Variants in QTMAN observed in about 807,000 individuals in gnomAD.
QTMAN encodes tRNA-queuosine alpha-mannosyltransferase.
the QTMAN span, among the ~76,000 whole-genome samples, chr2:144,242,862 T>TG: frequency 6.9e-6 from 1 of 145,446 alleles, no homozygotes; most frequent in South Asian, 2.1e-4. Context: ...TTTGGGAGGC[T>TG]GAGACATGAG....
chr2:144,069,103 T>C, the QTMAN span, among the ~76,000 whole-genome samples: 500 of 152,192 alleles, frequency 3.3e-3, 16 homozygotes, highest in Admixed American at 0.029. Context: ...AGTTTAAGTA[T>C]AGAAATGCTC....
At chr2:144,184,673 CA>C in the QTMAN span, among the ~76,000 whole-genome samples, 1 of 151,606 alleles carries the variant, frequency 6.6e-6, no homozygotes, top group African/African-American at 2.4e-5. Flanking sequence ...ATAAATTAAC[CA>C]AAAAAATCAT....
At chr2:144,024,496 G>A in the QTMAN span, among the ~76,000 whole-genome samples, 2 of 152,200 alleles carry the variant, frequency 1.3e-5, no homozygotes, top group African/African-American at 4.8e-5. Flanking sequence ...CATATGTGAA[G>A]TGGAAAGAGG....
chr2:144,039,744 A>G, the QTMAN span, among the ~76,000 whole-genome samples: 2 of 152,174 alleles, frequency 1.3e-5, no homozygotes, highest in Admixed American at 6.6e-5. Context: ...TACAGGGACC[A>G]GAAAGGCACA....
At chr2:144,098,060 C>A in the QTMAN span, among the ~76,000 whole-genome samples, 1 of 152,216 alleles carries the variant, frequency 6.6e-6, no homozygotes, top group Non-Finnish European at 1.5e-5. Context: ...TCTAGTAGCA[C>A]TAATGTGAGC....
chr2:143,959,957 C>T, the QTMAN span, among the ~76,000 whole-genome samples: 1 of 151,854 alleles, frequency 6.6e-6, no homozygotes, highest in South Asian at 2.1e-4. Context: ...CAATTTAGAG[C>T]AGCATAAAAA....
At chr2:144,169,798 C>T in the QTMAN span, among the ~76,000 whole-genome samples, 2 of 152,014 alleles carry the variant, frequency 1.3e-5, no homozygotes, top group Admixed American at 6.6e-5. Flanking sequence ...CTGCCCATTA[C>T]ACTATATCAA....
the QTMAN span, chr2:143,939,085 A>T: frequency 3.9e-5 from 6 of 152,222 alleles, no homozygotes; most frequent in African/African-American, 1.4e-4. Context: ...GGAACACTTT[A>T]AAATTTTTCC....
At chr2:144,060,406 G>A in the QTMAN span, among the ~76,000 whole-genome samples, 5 of 152,112 alleles carry the variant, frequency 3.3e-5, no homozygotes, top group Admixed American at 6.5e-5. Context: ...GATTATAGGC[G>A]CCTGGCACCA....
the QTMAN span, among the ~76,000 whole-genome samples, chr2:144,015,360 C>G: frequency 6.6e-6 from 1 of 152,112 alleles, no homozygotes; most frequent in African/African-American, 2.4e-5. Context: ...ATTTTCCTAC[C>G]TCCACTTTAA....
the QTMAN span, among the ~76,000 whole-genome samples, chr2:144,170,497 G>T: frequency 6.6e-6 from 1 of 152,108 alleles, no homozygotes; most frequent in African/African-American, 2.4e-5. Context: ...GAGGAACCCT[G>T]CGCTCTAAGA....
the QTMAN span, among the ~76,000 whole-genome samples, chr2:144,193,434 T>C: frequency 6.7e-6 from 1 of 148,374 alleles, no homozygotes; most frequent in African/African-American, 2.4e-5. Context: ...ATATATAATA[T>C]ATATTATGTA....
chr2:144,149,849 T>A, the QTMAN span, among the ~76,000 whole-genome samples: 13 of 152,194 alleles, frequency 8.5e-5, no homozygotes, highest in Admixed American at 7.2e-4. Flanking sequence ...GTTTGCCTTT[T>A]ACCCTATTTA....
the QTMAN span, among the ~76,000 whole-genome samples, chr2:144,079,931 TTTACTC>T: frequency 2.0e-5 from 3 of 152,212 alleles, no homozygotes; most frequent in South Asian, 4.1e-4. Context: ...GAATTCCACT[TTTACTC>T]TGTTGGCAAA....
At chr2:144,305,926 T>C in the QTMAN span, among the ~76,000 whole-genome samples, 1 of 152,230 alleles carries the variant, frequency 6.6e-6, no homozygotes, top group East Asian at 1.9e-4. Context: ...GTTGATCTCA[T>C]TTATGAATTC....
chr2:144,011,398 T>A, the QTMAN span, among the ~76,000 whole-genome samples: 1 of 152,152 alleles, frequency 6.6e-6, no homozygotes. Context: ...TTCATAGACA[T>A]GTTTAATATA....
chr2:144,071,287 C>T, the QTMAN span, among the ~76,000 whole-genome samples: 1 of 149,536 alleles, frequency 6.7e-6, no homozygotes, highest in Non-Finnish European at 1.5e-5. Context: ...AATAGAGTTT[C>T]GAGGGGGATA....
At chr2:144,049,950 C>A in the QTMAN span, among the ~76,000 whole-genome samples, 118 of 152,174 alleles carry the variant, frequency 7.8e-4, no homozygotes, top group African/African-American at 2.8e-3. Flanking sequence ...ATTGGTATTG[C>A]AGACGTGGGA....
chr2:144,209,344 C>A, the QTMAN span, among the ~76,000 whole-genome samples: 2 of 152,168 alleles, frequency 1.3e-5, no homozygotes, highest in Non-Finnish European at 2.9e-5. Flanking sequence ...CTAGTGAATA[C>A]GTATTTAAAA....
Sources: allele counts gnomAD v4.1 joint callset (sites outside exome capture counted in the v4.1 genomes callset), GRCh38; gene constraint gnomAD v4.1.1; transcripts MANE v1.5; gene names NCBI Gene and HGNC (gene_info 2026-07-23, HGNC 2026-07-21).